The following AGBL4 variants were observed in gnomAD, a reference collection of about 807,000 sequenced individuals.
AGBL4 encodes the protein AGBL carboxypeptidase 4, also known as cytosolic carboxypeptidase 6.
Under a neutral mutation model 66.4 loss-of-function variants are expected in AGBL4, and 58 were observed. The observed-to-expected ratio is 0.87, with a 90% CI of 0.71 to 1.09. AGBL4 has a LOEUF of 1.09. Among genes scored for constraint, AGBL4 ranks in the 50% least tolerant of loss-of-function variants. AGBL4 has a pLI of 0.00. For missense variants in AGBL4, 579 were observed against 631.0 expected, an observed-to-expected ratio of 0.92 and a Z score of 0.88; for synonymous variants, 234 against 222.9, an observed-to-expected ratio of 1.05 and a Z score of -0.44.
intron 6 of AGBL4, among the ~76,000 whole-genome samples, chr1:48,794,414 CTT>C (rs1231083387): frequency 6.6e-6 from 1 of 152,142 alleles, no homozygotes; most frequent in Non-Finnish European, 1.5e-5. Flanking sequence ...CAATTACTAC[CTT>C]CTCTCCTCCT....
chr1:49,938,669 C>T (rs1363331981), intron 1 of AGBL4, among the ~76,000 whole-genome samples: 2 of 152,068 alleles, frequency 1.3e-5, no homozygotes, highest in Admixed American at 1.3e-4. Context: ...GCTTCATCCC[C>T]GGGATGCAAG....
chr1:49,387,732 T>C lies in AGBL4; in HGVS notation c.283-141868A>G, dbSNP rs1476444858. On this transcript the variant is annotated intron_variant, in intron 3 of 13. Transcript: ENST00000371839. ...TATATATTTAAACTCCTTTCTGATA[T>C]TGATGCATTTATAATGCATGCTAGA... 3.3e-5 allele frequency among the ~76,000 whole-genome samples: 5 copies of C among 152,074 alleles called. No homozygotes were observed. In the East Asian group the frequency reaches 5.8e-4, roughly 18 times the overall value.
intron 4 of AGBL4, among the ~76,000 whole-genome samples, chr1:49,231,672 C>G (rs1373250290): frequency 6.6e-6 from 1 of 152,154 alleles, no homozygotes; most frequent in Non-Finnish European, 1.5e-5. Flanking sequence ...CCCATACATA[C>G]CACATTCACC....
intron 9 of AGBL4, among the ~76,000 whole-genome samples, chr1:48,627,475 T>C (rs115645906): frequency 6.4e-4 from 97 of 152,190 alleles, no homozygotes; most frequent in South Asian, 1.5e-3. Context: ...GTGTGTGTTA[T>C]TTGACCATGT....
At position 49,507,351 on chromosome 1, in the gene AGBL4, C is replaced by T. The variant is rs115393603; in HGVS notation, c.282+189962G>A. 2.1e-3 allele frequency among the ~76,000 whole-genome samples: 321 copies of T among 152,126 alleles called. 4 individuals carry two copies. The highest frequency in any genetic ancestry group is 7.1e-3 in the African/African-American group (295 of 41,542). The stretch of plus-strand genomic sequence containing the variant: ...GAGAGCCAAATTGGGACCAAAAGAA[C>T]GGTCCAGCTGAACCTAGTCAATCTC... On this transcript the variant is annotated intron_variant, in intron 3 of 13. Coordinates refer to ENST00000371839, the MANE Select transcript of AGBL4 (RefSeq NM_032785.4).
intron 3 of AGBL4, among the ~76,000 whole-genome samples, chr1:49,292,765 T>C (rs1213567832): frequency 6.6e-6 from 1 of 151,802 alleles, no homozygotes; most frequent in Non-Finnish European, 1.5e-5. Flanking sequence ...CTCAACATGA[T>C]GACTTGTTGG....
intron 2 of AGBL4, among the ~76,000 whole-genome samples, chr1:49,796,056 A>C (rs530586570): frequency 2.8e-4 from 43 of 152,086 alleles, no homozygotes; most frequent in Admixed American, 6.6e-4. Context: ...CTTACACCAT[A>C]AAGAGCTCAA....
intron 3 of AGBL4, among the ~76,000 whole-genome samples, chr1:49,546,855 GT>G (rs892333874): frequency 6.6e-6 from 1 of 152,002 alleles, no homozygotes; most frequent in Non-Finnish European, 1.5e-5. Context: ...TGATGGGATT[GT>G]TTTTTTCTTA....
chr1:49,052,858 C>T (rs763990711), intron 4 of AGBL4, among the ~76,000 whole-genome samples: 59 of 152,220 alleles, frequency 3.9e-4, no homozygotes, highest in Non-Finnish European at 3.1e-4. Flanking sequence ...GATAGGGCTA[C>T]GTGCAATTCT....
intron 5 of AGBL4, among the ~76,000 whole-genome samples, chr1:48,909,112 GT>G: frequency 1.3e-5 from 2 of 152,254 alleles, no homozygotes; most frequent in Middle Eastern, 6.8e-3. Context: ...CTTACAAATT[GT>G]GTTAGGCTAC....
chr1:48,973,602 T>G (rs1284439352), intron 5 of AGBL4, among the ~76,000 whole-genome samples: 1 of 152,154 alleles, frequency 6.6e-6, no homozygotes, highest in East Asian at 1.9e-4. Context: ...CCACTATCTA[T>G]GGGACTCAAG....
chr1:49,532,120 T>A (rs189986784), intron 3 of AGBL4, among the ~76,000 whole-genome samples: 1 of 152,202 alleles, frequency 6.6e-6, no homozygotes, highest in East Asian at 1.9e-4. Context: ...CCTTCCCTCA[T>A]CTGTATGGTA....
rs969121141 is a variant in AGBL4, at chr1:49,748,388, C to T, written c.158-50951G>A. ...AGTATTCCATGATGTATATGTGCCACATTTTCTTTATCCAGTCATCATTGA... is the reference window on the plus strand; with the variant it reads ...AGTATTCCATGATGTATATGTGCCATATTTTCTTTATCCAGTCATCATTGA... On this transcript the variant is annotated intron_variant, in intron 2 of 13. Transcript: ENST00000371839. Among the ~76,000 whole-genome samples the T allele has an allele frequency of 3.9e-5, 6 of 152,268 alleles. No homozygotes were observed. In the East Asian group the frequency reaches 9.6e-4, roughly 24 times the overall value.
intron 3 of AGBL4, among the ~76,000 whole-genome samples, chr1:49,370,751 T>G: frequency 6.6e-6 from 1 of 152,206 alleles, no homozygotes; most frequent in East Asian, 1.9e-4. Flanking sequence ...ATAAAATATA[T>G]AAAATGCTTA....
chr1:49,101,437 T>A (rs570531318), intron 4 of AGBL4, among the ~76,000 whole-genome samples: 72 of 152,290 alleles, frequency 4.7e-4, no homozygotes, highest in African/African-American at 1.7e-3. Flanking sequence ...ATCCGCCTGA[T>A]TGGCCTCCCA....
rs35314433 is a variant in AGBL4 at position 49,556,516 on chromosome 1, T to TTA, written c.282+140795_282+140796dup. ...AGAACTTAAAGTATAATAAAAAAAA[T>TTA]TATATATATATATATATATAAACAA... On this transcript the variant is annotated intron_variant, in intron 3 of 13. Transcript: ENST00000371839. 5.7e-3 allele frequency among the ~76,000 whole-genome samples: 838 copies of TTA among 146,676 alleles called. 5 individuals are homozygous for TTA. Among genetic ancestry groups the TTA allele is most frequent in the East Asian group, 0.029 (144 of 5,022 alleles).
At chr1:49,205,811 T>C (rs1648087735) in intron 4 of AGBL4, among the ~76,000 whole-genome samples, 1 of 152,166 alleles carries the variant, frequency 6.6e-6, no homozygotes, top group Non-Finnish European at 1.5e-5. Flanking sequence ...GAAAAGTATC[T>C]TATAAATGGA....
chr1:49,653,007 T>A (rs1026473999), intron 3 of AGBL4, among the ~76,000 whole-genome samples: 2 of 152,106 alleles, frequency 1.3e-5, no homozygotes, highest in African/African-American at 4.8e-5. Context: ...CCACTCCGCC[T>A]GACTGGGTGA....
chr1:49,323,000 T>A (rs1396178847), intron 3 of AGBL4, among the ~76,000 whole-genome samples: 1 of 152,374 alleles, frequency 6.6e-6, no homozygotes, highest in African/African-American at 2.4e-5. Context: ...AAATAAAATT[T>A]AAAATGAATT....
Sources: gnomAD v4.1 joint callset for allele counts (sites outside exome capture counted in the v4.1 genomes callset) on GRCh38, gnomAD v4.1.1 for gene constraint, MANE v1.5 for transcripts, NCBI Gene and HGNC (gene_info 2026-07-23, HGNC 2026-07-21) for gene names.